The following CNTNAP2 variants were observed in gnomAD, a reference collection of about 807,000 sequenced individuals.
The protein encoded by CNTNAP2 is contactin associated protein 2.
Under a neutral mutation model 155.2 loss-of-function variants are expected in CNTNAP2, and 98 were observed. That is an observed-to-expected ratio of 0.63 (90% CI 0.54 to 0.75). The LOEUF (loss-of-function observed/expected upper bound fraction) is 0.75, where lower values mean the gene tolerates loss of function less well. CNTNAP2 is among the 30% of genes least tolerant of loss of function. The probability of loss-of-function intolerance (pLI) is 0.00; values close to 1 mark genes in which losing one functional copy is unlikely to be tolerated. For missense variants in CNTNAP2, 1,727 were observed against 1,688.1 expected (o/e 1.02, Z -0.40); for synonymous variants, 651 against 631.2 (o/e 1.03, Z -0.47).
intron 1 of CNTNAP2, among the ~76,000 whole-genome samples, chr7:146,482,700 G>T (rs1563101246): frequency 6.6e-6 from 1 of 151,312 alleles, no homozygotes; most frequent in African/African-American, 2.4e-5. Context: ...CTGAGATCAC[G>T]CCACTGCACT....
intron 2 of CNTNAP2, among the ~76,000 whole-genome samples, chr7:146,807,250 A>G (rs1348371511): frequency 6.6e-6 from 1 of 152,176 alleles, no homozygotes; most frequent in African/African-American, 2.4e-5. Context: ...TTACAGTTTA[A>G]CTGTATATTC....
intron 21 of CNTNAP2, 106 bp downstream of exon 21, chr7:148,267,232 C>A: frequency 1.1e-6 from 1 of 946,238 alleles, no homozygotes; most frequent in South Asian, 1.3e-5. Context: ...TGGGGCCAGT[C>A]ACGAATATCT....
rs1451183850 is a variant in CNTNAP2, at chr7:146,790,408, C to T, written c.208+16027C>T. 2.0e-5 allele frequency among the ~76,000 whole-genome samples: 3 copies of T among 152,090 alleles called. No homozygotes were observed. The East Asian group carries it at 5.8e-4, about 29-fold the overall frequency. On this transcript the variant is annotated intron_variant, in intron 2 of 23. Transcript: ENST00000361727. ...GTTGGTTTCATTCCCAAAGAAATAG[C>T]ACTAACTAGGAAGAGAAGTATGAGT...
chr7:148,170,894 C>T (rs1805780133), intron 17 of CNTNAP2, among the ~76,000 whole-genome samples: 1 of 152,150 alleles, frequency 6.6e-6, no homozygotes, highest in Admixed American at 6.6e-5. Context: ...ATTCCAGTAA[C>T]CCTACTGACT....
At chr7:148,225,487 G>A (rs1795828322) in intron 19 of CNTNAP2, among the ~76,000 whole-genome samples, 2 of 152,160 alleles carry the variant, frequency 1.3e-5, no homozygotes, top group African/African-American at 4.8e-5. Flanking sequence ...AAGGAGGAGA[G>A]TAACAGGAGG....
At chr7:147,196,038 A>C (rs1435437861) in intron 8 of CNTNAP2, among the ~76,000 whole-genome samples, 1 of 152,148 alleles carries the variant, frequency 6.6e-6, no homozygotes, top group East Asian at 1.9e-4. Flanking sequence ...GAGTCCTTAT[A>C]AGAAGGGGAA....
intron 3 of CNTNAP2, among the ~76,000 whole-genome samples, chr7:146,967,207 C>A (rs1057029942): frequency 6.6e-6 from 1 of 152,092 alleles, no homozygotes; most frequent in Non-Finnish European, 1.5e-5. Flanking sequence ...AATATGATTT[C>A]ATTTGTTCTT....
chr7:147,817,207 G>C (rs576373483), intron 13 of CNTNAP2, among the ~76,000 whole-genome samples: 6 of 152,042 alleles, frequency 3.9e-5, no homozygotes, highest in Non-Finnish European at 8.8e-5. Flanking sequence ...ATTTAAAAAA[G>C]AAAGAAAGAA....
intron 10 of CNTNAP2, among the ~76,000 whole-genome samples, chr7:147,438,376 G>C (rs1254240206): frequency 1.3e-5 from 2 of 151,962 alleles, no homozygotes; most frequent in Non-Finnish European, 2.9e-5. Flanking sequence ...TGATTATACG[G>C]TTTTGGCCTT....
intron 15 of CNTNAP2, among the ~76,000 whole-genome samples, chr7:148,104,434 G>A (rs1804167540): frequency 6.6e-6 from 1 of 152,138 alleles, no homozygotes; most frequent in Non-Finnish European, 1.5e-5. Context: ...TTCTATGGAT[G>A]TGAGGCTCTG....
intron 13 of CNTNAP2, among the ~76,000 whole-genome samples, chr7:147,683,886 T>TAA (rs1795984124): frequency 6.6e-6 from 1 of 151,628 alleles, no homozygotes; most frequent in South Asian, 2.1e-4. Flanking sequence ...GACTAATTAC[T>TAA]AATGTTTCAA....
intron 3 of CNTNAP2, among the ~76,000 whole-genome samples, chr7:147,028,822 A>T (rs1324391691): frequency 1.3e-5 from 2 of 152,196 alleles, no homozygotes; most frequent in Admixed American, 1.3e-4. Context: ...AAGACAAAAA[A>T]GCAGATGATG....
At chr7:147,042,344 T>C (rs1799276080) in intron 3 of CNTNAP2, among the ~76,000 whole-genome samples, 1 of 152,202 alleles carries the variant, frequency 6.6e-6, no homozygotes, top group Non-Finnish European at 1.5e-5. Flanking sequence ...ATCTAAAGGT[T>C]ACATAAAATT....
intron 13 of CNTNAP2, among the ~76,000 whole-genome samples, chr7:147,721,189 ATGT>A (rs377106469): frequency 0.04 from 6,106 of 151,796 alleles, 138 homozygotes; most frequent in Middle Eastern, 0.11. Flanking sequence ...GCTGGTTTCT[ATGT>A]TGTTGTTGTT....
At chr7:148,356,537 T>C (rs1332515572) in intron 21 of CNTNAP2, among the ~76,000 whole-genome samples, 1 of 152,094 alleles carries the variant, frequency 6.6e-6, no homozygotes, top group Non-Finnish European at 1.5e-5. Flanking sequence ...ATCCAAGAGG[T>C]GAAGGCTGAA....
chr7:148,326,864 CA>C (rs200129283), intron 21 of CNTNAP2, among the ~76,000 whole-genome samples: 8,723 of 129,002 alleles, frequency 0.068, 687 homozygotes, highest in East Asian at 0.43. Context: ...GACCCCGTCT[CA>C]AAAAAAAAAA....
At chr7:147,554,630 G>T (rs1160056869) in intron 11 of CNTNAP2, among the ~76,000 whole-genome samples, 1 of 152,018 alleles carries the variant, frequency 6.6e-6, no homozygotes, top group African/African-American at 2.4e-5. Flanking sequence ...TCCCCTTGAG[G>T]CTTGGACAGG....
At chr7:147,038,383 A>G (rs1274545700) in intron 3 of CNTNAP2, among the ~76,000 whole-genome samples, 1 of 152,306 alleles carries the variant, frequency 6.6e-6, no homozygotes, top group East Asian at 1.9e-4. Context: ...TTCCCTTCAA[A>G]TATTGTTGTA....
At chr7:147,750,771 G>T (rs1797120926) in intron 13 of CNTNAP2, among the ~76,000 whole-genome samples, 1 of 152,184 alleles carries the variant, frequency 6.6e-6, no homozygotes. Context: ...GGGTGCGGCG[G>T]CTCATGCCTG....
Sources: allele counts gnomAD v4.1 joint callset (sites outside exome capture counted in the v4.1 genomes callset), GRCh38; gene constraint gnomAD v4.1.1; transcripts MANE v1.5; gene names NCBI Gene and HGNC (gene_info 2026-07-23, HGNC 2026-07-21).